Variants in ZSCAN25 observed in about 807,000 individuals in gnomAD.
ZSCAN25 encodes zinc finger and SCAN domain-containing protein 25.
ZSCAN25 carries 27 observed loss-of-function variants against 38.7 expected under a neutral mutation model. The ratio of observed to expected loss-of-function variants is 0.70; its 90% CI spans 0.51 to 0.96. The LOEUF (loss-of-function observed/expected upper bound fraction) is 0.96. ZSCAN25 is among the 40% of genes least tolerant of loss of function. The pLI is 0.00. For missense variants in ZSCAN25, 637 were observed against 705.9 expected, an observed-to-expected ratio of 0.90 and a Z score of 1.11; for synonymous variants, 273 against 277.7, an observed-to-expected ratio of 0.98 and a Z score of 0.17.
chr7:99,705,917 A>G, the ZSCAN25 span, among the ~76,000 whole-genome samples: 1 of 152,222 alleles, frequency 6.6e-6, no homozygotes, highest in Non-Finnish European at 1.5e-5. Flanking sequence ...TTAAAAATTT[A>G]AACCAGATTA....
At chr7:99,680,015 T>C in the ZSCAN25 span, 41 of 861,202 alleles carry the variant, frequency 4.8e-5, no homozygotes, top group Admixed American at 3.4e-4. Flanking sequence ...GCCAAGCTGC[T>C]GAAAGATTTA....
At chr7:99,620,139 A>G in intron 4 of ZSCAN25, 146 bp downstream of exon 4, 3 of 1,225,316 alleles carry the variant, frequency 2.4e-6, no homozygotes, top group Admixed American at 5.8e-5. Context: ...CTTTTTGGAG[A>G]GCAGTGGCGT....
At chr7:99,722,490 G>C in the ZSCAN25 span, 2 of 1,024,884 alleles carry the variant, frequency 2.0e-6, no homozygotes, top group Non-Finnish European at 2.8e-6. Context: ...TGTCATAAGA[G>C]AAAGGAAACA....
chr7:99,696,597 T>C, the ZSCAN25 span, among the ~76,000 whole-genome samples: 1 of 151,418 alleles, frequency 6.6e-6, no homozygotes, highest in Admixed American at 6.6e-5. Context: ...CATATTTCCC[T>C]GAATGACAGT....
At chr7:99,685,370 G>T in the ZSCAN25 span, 1 of 1,181,812 alleles carries the variant, frequency 8.5e-7, no homozygotes. Context: ...TGGAAATTCA[G>T]GGAGGTAAAG....
downstream of ZSCAN25, among the ~76,000 whole-genome samples, chr7:99,632,765 G>A (rs1808093456): frequency 6.6e-6 from 1 of 152,136 alleles, no homozygotes; most frequent in South Asian, 2.1e-4. Context: ...ACTCCAGCCT[G>A]GGAGACAGAG....
At chr7:99,701,599 C>T in the ZSCAN25 span, among the ~76,000 whole-genome samples, 18 of 152,226 alleles carry the variant, frequency 1.2e-4, no homozygotes, top group African/African-American at 4.3e-4. Flanking sequence ...TCCACATTCT[C>T]ACTGGCATTT....
the ZSCAN25 span, among the ~76,000 whole-genome samples, chr7:99,656,046 C>G: frequency 6.6e-6 from 1 of 152,200 alleles, no homozygotes; most frequent in Non-Finnish European, 1.5e-5. Context: ...TTGACTTCCT[C>G]TTTTCCTAAT....
the ZSCAN25 span, among the ~76,000 whole-genome samples, chr7:99,650,783 C>A: frequency 6.6e-6 from 1 of 151,854 alleles, no homozygotes; most frequent in Non-Finnish European, 1.5e-5. Context: ...CCTTTTTCTT[C>A]TCTCCATCTC....
At chr7:99,617,693 G>T (rs1190990858) in intron 1 of ZSCAN25, among the ~76,000 whole-genome samples, 1 of 152,214 alleles carries the variant, frequency 6.6e-6, no homozygotes, top group African/African-American at 2.4e-5. Context: ...TGCAGTGATC[G>T]CACCACTGGT....
At chr7:99,693,616 G>A in the ZSCAN25 span, among the ~76,000 whole-genome samples, 1 of 152,202 alleles carries the variant, frequency 6.6e-6, no homozygotes, top group Non-Finnish European at 1.5e-5. Context: ...CCTCAGCAAT[G>A]GCTGATACCC....
the ZSCAN25 span, among the ~76,000 whole-genome samples, chr7:99,729,533 AC>A: frequency 1.3e-5 from 2 of 152,176 alleles, no homozygotes; most frequent in Non-Finnish European, 2.9e-5. Flanking sequence ...CCAAGCCTGC[AC>A]GTGTACATCC....
chr7:99,723,856 T>C, the ZSCAN25 span, among the ~76,000 whole-genome samples: 115,907 of 152,150 alleles, frequency 0.76, 47,135 homozygotes, highest in Non-Finnish European at 0.91. Flanking sequence ...AAAACTCTGG[T>C]GCCAGTCATG....
the ZSCAN25 span, among the ~76,000 whole-genome samples, chr7:99,662,383 GA>G: frequency 1.3e-5 from 2 of 152,176 alleles, no homozygotes; most frequent in Admixed American, 6.5e-5. This position sits in a 1 kb window ranked among gnomAD's most constrained non-coding sequence, Gnocchi z 4.3. Context: ...ATTTCAAAGG[GA>G]AAAATAAAAC....
At chr7:99,737,953 A>C in the ZSCAN25 span, among the ~76,000 whole-genome samples, 1 of 152,212 alleles carries the variant, frequency 6.6e-6, no homozygotes, top group Non-Finnish European at 1.5e-5. Context: ...CAAGGAAGAT[A>C]CTATGCATTG....
At chr7:99,720,369 C>T in the ZSCAN25 span, 4 of 1,613,704 alleles carry the variant, frequency 2.5e-6, no homozygotes, top group South Asian at 2.2e-5. Flanking sequence ...TTGATCATGT[C>T]GGGATCTGTG....
At chr7:99,661,864 T>C in the ZSCAN25 span, among the ~76,000 whole-genome samples, 2 of 152,348 alleles carry the variant, frequency 1.3e-5, no homozygotes, top group East Asian at 3.9e-4. Context: ...ACTATCCACA[T>C]GTGGCTATTT....
At chr7:99,662,098 C>G in the ZSCAN25 span, among the ~76,000 whole-genome samples, 1 of 152,144 alleles carries the variant, frequency 6.6e-6, no homozygotes, top group East Asian at 1.9e-4. This position sits in a 1 kb window ranked among gnomAD's most constrained non-coding sequence, Gnocchi z 4.3. Context: ...GATAGACAGA[C>G]AGAAGTAGAT....
chr7:99,653,838 T>TA, the ZSCAN25 span, among the ~76,000 whole-genome samples: 1 of 152,210 alleles, frequency 6.6e-6, no homozygotes, highest in Non-Finnish European at 1.5e-5. This position sits in a 1 kb window ranked among gnomAD's most constrained non-coding sequence, Gnocchi z 4.2. Context: ...GGCAGTATTG[T>TA]AGAGGGTTAG....
Sources: allele counts gnomAD v4.1 joint callset (sites outside exome capture counted in the v4.1 genomes callset), GRCh38; gene constraint gnomAD v4.1.1; non-coding constraint Gnocchi (gnomAD v3.1); transcripts MANE v1.5; gene names NCBI Gene and HGNC (gene_info 2026-07-23, HGNC 2026-07-21).